ADGRL3: variants seen among roughly 807,000 people sequenced by gnomAD.
ADGRL3 encodes adhesion G protein-coupled receptor L3.
A neutral mutation model predicts 153.5 loss-of-function variants in ADGRL3; 62 were observed. That is an observed-to-expected ratio of 0.40 (90% CI 0.33 to 0.50). The LOEUF (loss-of-function observed/expected upper bound fraction) is 0.50, where lower values mean the gene tolerates loss of function less well. Ranked by LOEUF, ADGRL3 falls within the 20% of genes least tolerant of loss-of-function variation. The pLI, the probability that ADGRL3 is intolerant of heterozygous loss-of-function variation, is 0.47. For synonymous variants in ADGRL3, 710 were observed against 672.5 expected, an observed-to-expected ratio of 1.06 and a Z score of -0.86; for missense variants, 1,641 against 1,859.4, an observed-to-expected ratio of 0.88 and a Z score of 2.16.
chr4:61,590,937 C>T (rs1005332955), intron 5 of ADGRL3, among the ~76,000 whole-genome samples: 1 of 152,114 alleles, frequency 6.6e-6, no homozygotes, highest in South Asian at 2.1e-4. Flanking sequence ...CTGCTGTGGA[C>T]GTTTTATTGA....
chr4:61,570,321 T>C (rs993323142), intron 4 of ADGRL3, among the ~76,000 whole-genome samples: 3 of 152,164 alleles, frequency 2.0e-5, no homozygotes, highest in African/African-American at 7.2e-5. Context: ...AAATTCATAG[T>C]AATTTCCTCA....
chr4:61,879,518 G>A (rs975484630), intron 9 of ADGRL3, among the ~76,000 whole-genome samples: 1 of 152,102 alleles, frequency 6.6e-6, no homozygotes, highest in Non-Finnish European at 1.5e-5. Context: ...CACATCACAT[G>A]TGGTCAGGTG....
chr4:61,485,496 C>G (rs2098180781), intron 2 of ADGRL3, among the ~76,000 whole-genome samples: 1 of 152,026 alleles, frequency 6.6e-6, no homozygotes, highest in South Asian at 2.1e-4. Flanking sequence ...GAATATCAAG[C>G]GTTTTAAACT....
chr4:61,284,311 A>G (rs886366089), intron 1 of ADGRL3, among the ~76,000 whole-genome samples: 1 of 151,928 alleles, frequency 6.6e-6, no homozygotes, highest in African/African-American at 2.4e-5. Flanking sequence ...GTATTAACTT[A>G]CTTAAAACAT....
At chr4:61,852,188 A>C (rs2098212607) in intron 9 of ADGRL3, among the ~76,000 whole-genome samples, 2 of 152,192 alleles carry the variant, frequency 1.3e-5, no homozygotes, top group African/African-American at 4.8e-5. Flanking sequence ...CACTCTGCTT[A>C]GTTAACACTG....
At chr4:61,653,701 CAG>C (rs1409640369) in intron 5 of ADGRL3, among the ~76,000 whole-genome samples, 2 of 152,136 alleles carry the variant, frequency 1.3e-5, no homozygotes, top group African/African-American at 2.4e-5. Flanking sequence ...ACCTTTCAAA[CAG>C]AGTTTTAAGA....
chr4:62,049,732 A>G (rs574115079), intron 25 of ADGRL3, among the ~76,000 whole-genome samples: 8 of 152,250 alleles, frequency 5.3e-5, no homozygotes, highest in East Asian at 1.9e-4. Flanking sequence ...TATCAAATAG[A>G]TATTTGCAAG....
chr4:61,388,651 C>T (rs979600288), intron 2 of ADGRL3, among the ~76,000 whole-genome samples: 4 of 152,286 alleles, frequency 2.6e-5, no homozygotes, highest in Middle Eastern at 3.4e-3. Context: ...ATTACATCAC[C>T]CTCCTGTTTT....
intron 1 of ADGRL3, among the ~76,000 whole-genome samples, chr4:61,352,462 C>T (rs997965963): frequency 2.0e-5 from 3 of 151,512 alleles, no homozygotes; most frequent in Non-Finnish European, 4.4e-5. Context: ...GATCTCAGCT[C>T]ACTGCAACGT....
At chr4:61,578,893 G>A (rs2098908837) in intron 4 of ADGRL3, among the ~76,000 whole-genome samples, 2 of 152,018 alleles carry the variant, frequency 1.3e-5, no homozygotes, top group African/African-American at 4.8e-5. Flanking sequence ...CCAACTACAA[G>A]CTTCTAGAGA....
intron 21 of ADGRL3, among the ~76,000 whole-genome samples, chr4:62,007,701 C>A (rs28634184): frequency 6.6e-6 from 1 of 151,382 alleles, no homozygotes; most frequent in African/African-American, 2.4e-5. Context: ...CACTGTGCCC[C>A]ACACATTCAA....
chr4:61,578,746 C>T (rs189572915), intron 4 of ADGRL3, among the ~76,000 whole-genome samples: 90 of 152,178 alleles, frequency 5.9e-4, no homozygotes, highest in Non-Finnish European at 1.1e-3. Context: ...CTCAAATCTT[C>T]GTCATTCGAG....
intron 1 of ADGRL3, among the ~76,000 whole-genome samples, chr4:61,332,716 C>T (rs2095598412): frequency 6.6e-6 from 1 of 151,990 alleles, no homozygotes; most frequent in African/African-American, 2.4e-5. Context: ...GTTTGCTGGT[C>T]AATGCCGGTG....
chr4:61,854,791 A>G (rs2098244780), intron 9 of ADGRL3, among the ~76,000 whole-genome samples: 1 of 152,204 alleles, frequency 6.6e-6, no homozygotes, highest in African/African-American at 2.4e-5. Flanking sequence ...ATGAAGTTTA[A>G]CATCATTAGT....
At chr4:61,258,391 T>TA (rs2092200508) in intron 1 of ADGRL3, among the ~76,000 whole-genome samples, 1 of 152,184 alleles carries the variant, frequency 6.6e-6, no homozygotes, top group Non-Finnish European at 1.5e-5. Flanking sequence ...CATTGCAATG[T>TA]GGTTCATGAA....
At chr4:62,057,418 G>A (rs28516381) in intron 25 of ADGRL3, among the ~76,000 whole-genome samples, 4,227 of 152,152 alleles carry the variant, frequency 0.028, 209 homozygotes, top group African/African-American at 0.098. Context: ...CACAATTTTT[G>A]TATCAGTCTA....
At chr4:61,432,573 C>CCTTTCTTT (rs1219373046) in intron 2 of ADGRL3, among the ~76,000 whole-genome samples, 7 of 35,862 alleles carry the variant, frequency 2.0e-4, no homozygotes, top group African/African-American at 5.4e-4. Flanking sequence ...TCTTTCTCTT[C>CCTTTCTTT]CTTTCTTTCT....
rs1331884433 is a variant in ADGRL3, at chr4:61,202,575, G to A, written c.-240+810G>A. The stretch of plus-strand genomic sequence containing the variant: ...GCCGGGGCGGGGTGGGCAGAGCATT[G>A]GTGGTCGCGGTTGGCGGGTTACAGG... On this transcript the variant is annotated intron_variant, in intron 1 of 26. Coordinates refer to ENST00000683033, the MANE Select transcript of ADGRL3 (RefSeq NM_001387552.1). This position sits in a 1 kb window ranked among gnomAD's most constrained non-coding sequence, Gnocchi z 5.0. 6.6e-6 allele frequency among the ~76,000 whole-genome samples: 1 copy of A among 152,164 alleles called. No individual in the cohort carries two copies. Among genetic ancestry groups the A allele is most frequent in the Non-Finnish European group, 1.5e-5 (1 of 68,036 alleles).
intron 5 of ADGRL3, among the ~76,000 whole-genome samples, chr4:61,637,028 A>G (rs2093451858): frequency 6.6e-6 from 1 of 152,166 alleles, no homozygotes; most frequent in Non-Finnish European, 1.5e-5. Context: ...AGACTGTGAT[A>G]TATATTAAAG....
Sources: allele counts gnomAD v4.1 joint callset (sites outside exome capture counted in the v4.1 genomes callset), GRCh38; gene constraint gnomAD v4.1.1; non-coding constraint Gnocchi (gnomAD v3.1); transcripts MANE v1.5; gene names NCBI Gene and HGNC (gene_info 2026-07-23, HGNC 2026-07-21).